Variants in GRIN1 observed in about 807,000 individuals in gnomAD.
The protein encoded by GRIN1 is glutamate ionotropic receptor NMDA type subunit 1.
A neutral mutation model predicts 103.0 loss-of-function variants in GRIN1; 38 were observed. The observed-to-expected ratio is 0.37, with a 90% CI of 0.28 to 0.48. The LOEUF (loss-of-function observed/expected upper bound fraction) is 0.48, where lower values mean the gene tolerates loss of function less well. Among genes scored for constraint, GRIN1 ranks in the 20% least tolerant of loss-of-function variants. The probability of loss-of-function intolerance (pLI) is 0.98; values close to 1 mark genes in which losing one functional copy is unlikely to be tolerated. For missense variants in GRIN1, 577 were observed against 1,288.9 expected (o/e 0.45, Z 8.46); for synonymous variants, 544 against 532.7 (o/e 1.02, Z -0.29).
chr9:137,147,365 C>A (rs1337634638), intron 3 of GRIN1, among the ~76,000 whole-genome samples: 1 of 152,138 alleles, frequency 6.6e-6, no homozygotes, highest in Non-Finnish European at 1.5e-5. Flanking sequence ...TCCTCATGTG[C>A]ATGCTCACCC....
intron 2 of GRIN1, among the ~76,000 whole-genome samples, chr9:137,144,338 G>A (rs1423575195): frequency 6.8e-6 from 1 of 148,076 alleles, no homozygotes; most frequent in African/African-American, 2.6e-5. Context: ...TGGGAAAAAG[G>A]AGGGGTCCCA....
chr9:137,150,832 A>G (rs1832821615), intron 4 of GRIN1, among the ~76,000 whole-genome samples: 2 of 105,568 alleles, frequency 1.9e-5, no homozygotes, highest in Non-Finnish European at 3.8e-5. Context: ...AGACCCGCCC[A>G]GGAAAAGCTC....
At chr9:137,158,852 A>C in intron 8 of GRIN1, 148 bp downstream of exon 8, 1 of 675,586 alleles carries the variant, frequency 1.5e-6, no homozygotes, top group Non-Finnish European at 2.7e-6. Context: ...ACCGTCCAGC[A>C]CACCTGGCAC....
In GRIN1 at chr9:137,145,722, G is replaced by A. The variant is rs202180269; in HGVS notation, c.394-4G>A. Reference sequence around the variant, plus strand: ...TCAGCCCGCCGTGCCCCCGCCTCCCGCAGAGCATCCACCTGAGCTTCCTGC... The same window carrying A: ...TCAGCCCGCCGTGCCCCCGCCTCCCACAGAGCATCCACCTGAGCTTCCTGC... On this transcript the variant is annotated splice_polypyrimidine_tract_variant and splice_region_variant and intron_variant, in intron 2 of 19. Transcript: ENST00000371561. The A allele has an allele frequency of 1.4e-4, 224 of 1,612,220 alleles. No homozygotes were observed. Among genetic ancestry groups the A allele is most frequent in the Admixed American group, 2.8e-4 (17 of 59,964 alleles).
intron 4 of GRIN1, among the ~76,000 whole-genome samples, chr9:137,154,432 C>CTTTTTTTTT (rs543160973): frequency 2.3e-4 from 10 of 43,008 alleles, no homozygotes; most frequent in African/African-American, 5.6e-4. Flanking sequence ...GCTCCAACAA[C>CTTTTTTTTT]TTTTTTTTTT....
In GRIN1 at chr9:137,149,055, C is replaced by T. The variant is rs776467538; in HGVS notation, c.617C>T (p.Ala206Val). The T allele has an allele frequency of 6.2e-7, 1 of 1,613,652 alleles. No homozygotes were observed. The highest frequency in any genetic ancestry group is 8.5e-7 in the Non-Finnish European group (1 of 1,179,716). Residue 206 changes from alanine to valine, a missense_variant, in exon 4 of 20, where the codon GCC (alanine) becomes GTC (valine). By Grantham distance (64) the Ala-to-Val change is moderately conservative. This residue lies in a region of GRIN1 where 308 missense variants were observed against 553.6 expected (regional missense o/e 0.56). Transcript: ENST00000371561. ...QFDPGTKNVT[A>V]LLMEAKELEA... ...GACCCAGGGACCAAGAACGTGACGGCCCTGCTGATGGAGGCGAAAGAGCTG... is the reference window on the plus strand; with the variant it reads ...GACCCAGGGACCAAGAACGTGACGGTCCTGCTGATGGAGGCGAAAGAGCTG...
At chr9:137,154,967 C>G (rs1186819149) in intron 4 of GRIN1, among the ~76,000 whole-genome samples, 1 of 152,232 alleles carries the variant, frequency 6.6e-6, no homozygotes, top group Non-Finnish European at 1.5e-5. Context: ...CATATTTTGG[C>G]TCCTCCTTAG....
chr9:137,150,242 T>C (rs1232497150), intron 4 of GRIN1, among the ~76,000 whole-genome samples: 1 of 152,142 alleles, frequency 6.6e-6, no homozygotes. Context: ...GGAAAAAAGA[T>C]TTTTAAAGAC....
chr9:137,141,527 C>T (rs928175198), intron 1 of GRIN1, among the ~76,000 whole-genome samples: 9 of 152,200 alleles, frequency 5.9e-5, no homozygotes, highest in African/African-American at 1.9e-4. Context: ...AAAGGGATCT[C>T]GGCCTCTTTG....
intron 4 of GRIN1, among the ~76,000 whole-genome samples, chr9:137,150,293 G>A (rs1023408650): frequency 2.6e-5 from 4 of 152,224 alleles, no homozygotes; most frequent in African/African-American, 9.6e-5. Context: ...AGGTCCCAAA[G>A]AAGGAATGCC....
intron 2 of GRIN1, 134 bp downstream of exon 2, chr9:137,142,281 A>G: frequency 1.2e-6 from 1 of 837,840 alleles, no homozygotes. Flanking sequence ...CCCCACATTC[A>G]TGCACGTCCA....
In GRIN1 at chr9:137,148,125, A is replaced by G. The variant is rs1180999316; in HGVS notation, c.571-884A>G. On this transcript the variant is annotated intron_variant, in intron 3 of 19. Transcript: ENST00000371561. ...TTATAATCTTCTTCTGTGTCTGCATATTTTCTCTGTGCACATTATTCATCA... is the reference window on the plus strand; with the variant it reads ...TTATAATCTTCTTCTGTGTCTGCATGTTTTCTCTGTGCACATTATTCATCA... 2.1e-6 allele frequency: 3 copies of G among 1,434,222 alleles called. No homozygotes were observed. In the Admixed American group the frequency reaches 6.0e-5, roughly 28 times the overall value. The allele number at this position is 1,434,222 out of a possible 1,614,324, so 88.8% of individuals were successfully genotyped here. A position where few individuals can be genotyped will look rare whatever the true frequency, so the allele number is the denominator to read the frequency against.
rs1271624066 is a variant in GRIN1, at chr9:137,156,652, C to G, written c.672-17C>G. On this transcript the variant is annotated splice_polypyrimidine_tract_variant and intron_variant, in intron 4 of 19. Coordinates refer to ENST00000371561, the MANE Select transcript of GRIN1 (RefSeq NM_007327.4). ...GAGTGCTGGAGTCCTGGCCCGTCATCCCCGTCTGCCCCACAGCGAGGACGA... is the reference window on the plus strand; with the variant it reads ...GAGTGCTGGAGTCCTGGCCCGTCATGCCCGTCTGCCCCACAGCGAGGACGA... 1 of 1,598,638 alleles carries G rather than the reference C, an allele frequency of 6.3e-7. No individual in the cohort carries two copies. Among genetic ancestry groups the G allele is most frequent in the Non-Finnish European group, 8.5e-7 (1 of 1,174,406 alleles).
rs376307433 is a variant in GRIN1, at chr9:137,158,459, A to G, written c.1049A>G (p.Asn350Ser). 28 of 1,613,462 alleles carry G rather than the reference A, an allele frequency of 1.7e-5. No individual in the cohort carries two copies. The highest frequency in any genetic ancestry group is 1.4e-5 in the Non-Finnish European group (16 of 1,179,978). Residue 350 changes from asparagine (N) to serine (S), a missense_variant, in exon 7 of 20, where the codon AAC (asparagine) becomes AGC (serine). Physicochemically the swap from Asn to Ser is conservative, Grantham distance 46 (BLOSUM62 1). Around this residue, in one of 9 missense-constraint regions of GRIN1, gnomAD observed 308 missense variants for 553.6 expected, o/e 0.56. Transcript: ENST00000371561. ...GAGGATGGGGACCGGAAGTTCGCCAACTACAGCATCATGAACCTGCAGAAC... is the reference window on the plus strand; with the variant it reads ...GAGGATGGGGACCGGAAGTTCGCCAGCTACAGCATCATGAACCTGCAGAAC... ...FNEDGDRKFA[N>S]YSIMNLQNRK...
At chr9:137,148,056 C>A in intron 3 of GRIN1, 2 of 790,854 alleles carry the variant, frequency 2.5e-6, no homozygotes, top group South Asian at 1.6e-5. Context: ...GCAGACGTGC[C>A]GAGGAGGTGG....
intron 3 of GRIN1, among the ~76,000 whole-genome samples, chr9:137,147,695 C>T (rs974194997): frequency 6.6e-6 from 1 of 152,222 alleles, no homozygotes; most frequent in Non-Finnish European, 1.5e-5. Context: ...GAGGATACCT[C>T]GGTCTCTTGA....
chr9:137,162,721 G>C lies in GRIN1; in HGVS notation c.1995G>C (p.Thr665=), dbSNP rs200127557. ...LVLDRPEERI[T]GINDPRLRNP... ...TGGACCGGCCGGAGGAGCGCATCACGGGCATCAACGACCCTCGGGTGAGGC... is the reference window on the plus strand; with the variant it reads ...TGGACCGGCCGGAGGAGCGCATCACCGGCATCAACGACCCTCGGGTGAGGC... Residue 665 remains threonine, a synonymous_variant, in exon 14 of 20, where the codon ACG becomes ACC. Transcript: ENST00000371561. The C allele has an allele frequency of 1.3e-5, 21 of 1,605,600 alleles. No homozygotes were observed. In the African/African-American group the frequency reaches 2.3e-4, roughly 17 times the overall value.
Position 137,167,990 on chromosome 9 carries a change from GGCGGGCAGCCCCT to G in GRIN1, c.*466_*478del. On this transcript the variant is annotated 3_prime_UTR_variant, in exon 20 of 20. Transcript: ENST00000371561. ...CGTCCGCCCGCCCACCCCGCTGCCTGGCGGGCAGCCCCTGCTGGACCAAGGTGCGGACCGGAGC... is the reference window on the plus strand; with the variant it reads ...CGTCCGCCCGCCCACCCCGCTGCCTGGCTGGACCAAGGTGCGGACCGGAGC... 2 of 756,944 alleles carry G rather than the reference GGCGGGCAGCCCCT, an allele frequency of 2.6e-6. No individual in the cohort carries two copies. The highest frequency in any genetic ancestry group is 4.5e-6 in the Non-Finnish European group (2 of 443,484). 46.9% of individuals were successfully genotyped at this position (756,944 alleles called of 1,614,324 possible). A position where few individuals can be genotyped will look rare whatever the true frequency, so the allele number is the denominator to read the frequency against.
intron 9 of GRIN1, 27 bp from the exon 10 acceptor site, chr9:137,161,262 C>A: frequency 1.1e-5 from 18 of 1,611,568 alleles, no homozygotes; most frequent in Non-Finnish European, 1.5e-5. Flanking sequence ...GTCTGGAGCC[C>A]AGCAGTTACC....
Sources: gnomAD v4.1 joint callset for allele counts (sites outside exome capture counted in the v4.1 genomes callset) on GRCh38, gnomAD v4.1.1 for gene constraint, gnomAD v4.1.1 regional missense constraint, MANE v1.5 for transcripts, NCBI Gene and HGNC (gene_info 2026-07-23, HGNC 2026-07-21) for gene names.